The following EDEM3 variants were observed in gnomAD, a reference collection of about 807,000 sequenced individuals.
The protein encoded by EDEM3 is ER degradation-enhancing alpha-mannosidase-like protein 3.
A neutral mutation model predicts 110.2 loss-of-function variants in EDEM3; 60 were observed. The observed-to-expected ratio is 0.54, with a 90% CI of 0.44 to 0.67. The LOEUF is 0.67. Ranked by LOEUF, EDEM3 falls within the 30% of genes least tolerant of loss-of-function variation. The pLI is 0.00. For missense variants in EDEM3, 996 were observed against 1,121.0 expected, an observed-to-expected ratio of 0.89 and a Z score of 1.59; for synonymous variants, 352 against 382.9, an observed-to-expected ratio of 0.92 and a Z score of 0.94.
In EDEM3 at chr1:184,741,639, G is replaced by A. The variant is rs116287402; in HGVS notation, c.205-3928C>T. Among the ~76,000 whole-genome samples the A allele has an allele frequency of 6.8e-3, 1,027 of 152,112 alleles. 18 individuals carry two copies. Among genetic ancestry groups the A allele is most frequent in the African/African-American group, 0.024 (994 of 41,478 alleles). ...AAGTTGCTAGTGTTAGAACCCAAGT[G>A]GAATTGATGCACAGCATTTTTCTAA... On this transcript the variant is annotated intron_variant, in intron 2 of 19. Transcript: ENST00000318130.
chr1:184,726,110 A>G (rs1202363766), intron 7 of EDEM3, 145 bp downstream of exon 7: 11 of 1,174,300 alleles, frequency 9.4e-6, no homozygotes, highest in Non-Finnish European at 1.3e-5. Context: ...TTTGACAATT[A>G]AAAACCATGT....
Position 184,727,651 on chromosome 1 carries a change from G to C in EDEM3, c.613-1262C>G, listed in dbSNP as rs556080742. On this transcript the variant is annotated intron_variant, in intron 6 of 19. Coordinates refer to ENST00000318130, the MANE Select transcript of EDEM3 (RefSeq NM_025191.4). ...AAAACAACAAATGTAAAACGTAGGTGAGAGATGGGGATTTGATCACTGTTA... is the reference window on the plus strand; with the variant it reads ...AAAACAACAAATGTAAAACGTAGGTCAGAGATGGGGATTTGATCACTGTTA... 1.1e-4 allele frequency among the ~76,000 whole-genome samples: 16 copies of C among 152,270 alleles called. No individual in the cohort carries two copies. In the South Asian group the frequency reaches 3.3e-3, roughly 32 times the overall value.
At position 184,692,081 on chromosome 1, in the gene EDEM3, GTA is replaced by G. The variant is rs1282036048; in HGVS notation, c.*1980_*1981del. The G allele has an allele frequency of 6.6e-6, 1 of 152,096 alleles. No homozygotes were observed. The highest frequency in any genetic ancestry group is 1.5e-5 in the Non-Finnish European group (1 of 67,990). 9.4% of individuals were successfully genotyped at this position (152,096 alleles called of 1,614,324 possible). A position where few individuals can be genotyped will look rare whatever the true frequency, so the allele number is the denominator to read the frequency against. On this transcript the variant is annotated 3_prime_UTR_variant, in exon 20 of 20. Transcript: ENST00000318130. ...GCTACAAATACAAAATCAAATCCAT[GTA>G]TATAAGGCTTCTGTAATCGATGTCT...
At chr1:184,736,615 G>A (rs79827987) in intron 4 of EDEM3, among the ~76,000 whole-genome samples, 3,662 of 151,978 alleles carry the variant, frequency 0.024, 148 homozygotes, top group African/African-American at 0.082. Flanking sequence ...ATCACTGCTG[G>A]GAAAAATTAA....
intron 1 of EDEM3, among the ~76,000 whole-genome samples, chr1:184,752,512 G>A (rs1652824366): frequency 6.6e-6 from 1 of 152,124 alleles, no homozygotes; most frequent in Admixed American, 6.5e-5. Flanking sequence ...AATCTAACAA[G>A]CCTAAATAAT....
chr1:184,710,279 T>G (rs1650153336), intron 16 of EDEM3, 115 bp downstream of exon 16: 1 of 1,302,136 alleles, frequency 7.7e-7, no homozygotes, highest in Admixed American at 2.5e-5. Flanking sequence ...ATTCTCTCAC[T>G]TTAAACAGTA....
chr1:184,735,242 C>G (rs563164645), intron 4 of EDEM3, among the ~76,000 whole-genome samples: 1 of 152,216 alleles, frequency 6.6e-6, no homozygotes, highest in East Asian at 1.9e-4. Flanking sequence ...GTTCCTTCAT[C>G]TATAAAAAGA....
At chr1:184,710,981 G>C (rs546920637) in intron 15 of EDEM3, among the ~76,000 whole-genome samples, 4 of 152,160 alleles carry the variant, frequency 2.6e-5, no homozygotes, top group African/African-American at 9.6e-5. Context: ...CTACTCGTCA[G>C]AAAATGAACT....
At chr1:184,722,653 A>G (rs1650966372) in intron 8 of EDEM3, among the ~76,000 whole-genome samples, 2 of 152,080 alleles carry the variant, frequency 1.3e-5, no homozygotes, top group East Asian at 3.9e-4. Context: ...TTTAGATGAC[A>G]CAGAAAAATT....
At chr1:184,717,110 A>T in intron 12 of EDEM3, 98 bp from the exon 13 acceptor site, 1 of 995,252 alleles carries the variant, frequency 1.0e-6, no homozygotes, top group Non-Finnish European at 1.4e-6. Context: ...ACTAGGTGCC[A>T]GGCACTGTAT....
Position 184,732,470 on chromosome 1 carries a change from T to C in EDEM3, c.612+367A>G, listed in dbSNP as rs966746616. On this transcript the variant is annotated intron_variant, in intron 6 of 19. Coordinates refer to ENST00000318130, the MANE Select transcript of EDEM3 (RefSeq NM_025191.4). ...TTTTAAAACAACTAAAAGAGTATAA[T>C]TGGAATGTTTGTAACACAAAGAAAT... Among the ~76,000 whole-genome samples the C allele has an allele frequency of 8.5e-5, 13 of 152,248 alleles. No homozygotes were observed. The East Asian group carries it at 1.5e-3, about 18-fold the overall frequency.
chr1:184,716,397 T>C (rs970890796), intron 13 of EDEM3, among the ~76,000 whole-genome samples: 6 of 152,156 alleles, frequency 3.9e-5, no homozygotes, highest in Admixed American at 3.9e-4. Context: ...CTTCATACCA[T>C]CTACATCTAT....
At chr1:184,710,364 C>T (rs200409619) in intron 16 of EDEM3, 30 bp downstream of exon 16, 9 of 1,602,818 alleles carry the variant, frequency 5.6e-6, no homozygotes, top group Non-Finnish European at 7.7e-6. Context: ...AGGGCAGAGA[C>T]GGTATCTAAT....
chr1:184,716,004 T>G (rs1042853375), intron 13 of EDEM3, among the ~76,000 whole-genome samples: 1 of 152,170 alleles, frequency 6.6e-6, no homozygotes, highest in Non-Finnish European at 1.5e-5. Context: ...TTCTTTTACA[T>G]CTTTCTTCTT....
chr1:184,719,285 A>G, intron 10 of EDEM3, 40 bp from the exon 11 acceptor site: 1 of 1,504,522 alleles, frequency 6.6e-7, no homozygotes, highest in Non-Finnish European at 8.9e-7. Flanking sequence ...ATAAAATATG[A>G]GCTGATTTTA....
At position 184,699,179 on chromosome 1, in the gene EDEM3, CCATT is replaced by C. The variant is rs543459373; in HGVS notation, c.2389+3628_2389+3631del. The stretch of plus-strand genomic sequence containing the variant: ...GACTTAGAGATTGGATGTTTTAGAA[CCATT>C]CATTCATTCATTCATTCATTCATCT... On this transcript the variant is annotated intron_variant, in intron 19 of 19. Transcript: ENST00000318130. Among the ~76,000 whole-genome samples, 439 of 151,670 alleles carry C rather than the reference CCATT, an allele frequency of 2.9e-3. 6 individuals carry two copies. The East Asian group carries it at 0.035, about 12-fold the overall frequency.
chr1:184,750,402 T>A (rs1558075784), intron 1 of EDEM3, among the ~76,000 whole-genome samples: 5 of 152,194 alleles, frequency 3.3e-5, no homozygotes, highest in Non-Finnish European at 1.5e-5. Flanking sequence ...AATTAAGCAC[T>A]CTCAAGTTCA....
At chr1:184,726,697 G>A (rs1373811589) in intron 6 of EDEM3, among the ~76,000 whole-genome samples, 2 of 152,106 alleles carry the variant, frequency 1.3e-5, no homozygotes, top group African/African-American at 2.4e-5. Flanking sequence ...ACACAGAGAA[G>A]GTATCTTTTA....
chr1:184,728,716 T>C (rs1263369964), intron 6 of EDEM3, among the ~76,000 whole-genome samples: 2 of 151,972 alleles, frequency 1.3e-5, no homozygotes, highest in Admixed American at 6.6e-5. Flanking sequence ...TTCAAGCAAT[T>C]ATCCTGCCTC....
Sources: gnomAD v4.1 joint callset for allele counts (sites outside exome capture counted in the v4.1 genomes callset) on GRCh38, gnomAD v4.1.1 for gene constraint, MANE v1.5 for transcripts, NCBI Gene and HGNC (gene_info 2026-07-23, HGNC 2026-07-21) for gene names.